ZFP62: variants seen among roughly 807,000 people sequenced by gnomAD.
ZFP62 encodes the protein ZFP62 zinc finger protein.
ZFP62 carries 44 observed loss-of-function variants against 56.4 expected under a neutral mutation model. That is an observed-to-expected ratio of 0.78 (90% CI 0.61 to 1.00). ZFP62 has a LOEUF of 1.00. Among genes scored for constraint, ZFP62 ranks in the 50% least tolerant of loss-of-function variants. ZFP62 has a pLI of 0.00. For missense variants in ZFP62, 1,030 were observed against 1,085.7 expected, an observed-to-expected ratio of 0.95 and a Z score of 0.72; for synonymous variants, 421 against 388.9, an observed-to-expected ratio of 1.08 and a Z score of -0.97.
intron 1 of ZFP62, among the ~76,000 whole-genome samples, chr5:180,855,360 G>T (rs546522096): frequency 8.5e-5 from 13 of 152,120 alleles, no homozygotes; most frequent in Non-Finnish European, 1.9e-4. Context: ...ACTGCCTGTT[G>T]TATCTGGAAA....
the ZFP62 span, among the ~76,000 whole-genome samples, chr5:180,828,386 A>G: frequency 6.6e-6 from 1 of 152,166 alleles, no homozygotes; most frequent in Non-Finnish European, 1.5e-5. Context: ...CCAATCCTCC[A>G]GTCTCTACCC....
chr5:180,848,968 T>C lies in ZFP62; in HGVS notation c.2527A>G (p.Asn843Asp). The change falls in exon 2 of 2, where the codon AAT becomes GAT. Residue 843 changes from asparagine (N) to aspartate (D), a missense_variant. Physicochemically the swap from Asn to Asp is conservative, Grantham distance 23 (BLOSUM62 1). Transcript: ENST00000502412. ...IHTGKKPYRC[N>D]ECGKAFNIRS... ...ATATTAAAAGCCTTACCACACTCAT[T>C]ACATCGGTATGGCTTCTTTCCAGTG... The C allele has an allele frequency of 5.2e-6, 8 of 1,551,876 alleles. No individual in the cohort carries two copies. The highest frequency in any genetic ancestry group is 7.0e-6 in the Non-Finnish European group (8 of 1,146,996).
chr5:180,856,414 T>C (rs1224542140), intron 1 of ZFP62, among the ~76,000 whole-genome samples: 2 of 152,070 alleles, frequency 1.3e-5, no homozygotes, highest in Non-Finnish European at 1.5e-5. Context: ...ATAAAGACAA[T>C]ACAAAGAATG....
chr5:180,855,399 T>G (rs1441932541), intron 1 of ZFP62, among the ~76,000 whole-genome samples: 1 of 152,152 alleles, frequency 6.6e-6, no homozygotes, highest in Non-Finnish European at 1.5e-5. Context: ...ACTCCTCTCA[T>G]GCCTCATTTC....
rs1773532719 is a variant in ZFP62 at position 180,849,059 on chromosome 5, G to A, written c.2436C>T (p.Pro812=). The change falls in exon 2 of 2, where the codon CCC becomes CCT. Residue 812 remains proline (P), a synonymous_variant. Coordinates refer to ENST00000502412, the MANE Select transcript of ZFP62 (RefSeq NM_001172638.2). ...NHKSVHQGKQ[P]YNCECGKSFN... is the part of the protein sequence containing the mutation. ...AGGATTTCCCACACTCACAATTATAGGGCTGCTTCCCCTGGTGGACACTTT... is the reference window on the plus strand; with the variant it reads ...AGGATTTCCCACACTCACAATTATAAGGCTGCTTCCCCTGGTGGACACTTT... 2 of 1,552,124 alleles carry A rather than the reference G, an allele frequency of 1.3e-6. No individual in the cohort carries two copies. Among genetic ancestry groups the A allele is most frequent in the African/African-American group, 1.4e-5 (1 of 73,032 alleles).
intron 1 of ZFP62, among the ~76,000 whole-genome samples, chr5:180,853,487 G>C (rs1429420120): frequency 6.6e-6 from 1 of 152,130 alleles, no homozygotes; most frequent in East Asian, 1.9e-4. Context: ...CGAGTATATA[G>C]CCTTTTTAAT....
At chr5:180,846,284 C>T (rs942148945), downstream of ZFP62, among the ~76,000 whole-genome samples, 29 of 152,196 alleles carry the variant, frequency 1.9e-4, no homozygotes, top group Non-Finnish European at 2.9e-5. Flanking sequence ...CTGAGGCACT[C>T]AGAATCCCCA....
chr5:180,849,671 T>G lies in ZFP62; in HGVS notation c.1824A>C (p.Lys608Asn). 2 of 1,551,850 alleles carry G rather than the reference T, an allele frequency of 1.3e-6. No homozygotes were observed. Among genetic ancestry groups the G allele is most frequent in the Non-Finnish European group, 1.7e-6 (2 of 1,147,044 alleles). ...AGGGCTTCTCCCCAAGATGAACTTT[T>G]TTGTGGTTTGTAAGGGTTCGGTATG... ...FITYRTLTNH[K>N]KVHLGEKPYK... is the part of the protein sequence containing the mutation. Residue 608 changes from lysine (K) to asparagine (N), a missense_variant, in exon 2 of 2, where the codon AAA becomes AAC. Transcript: ENST00000502412.
At chr5:180,851,621 T>C (rs1773717813) in intron 1 of ZFP62, 128 bp from the exon 2 acceptor site, 1 of 1,111,420 alleles carries the variant, frequency 9.0e-7, no homozygotes, top group Admixed American at 2.9e-5. Context: ...ACAGGTACCA[T>C]GTGCCATGTA....
the ZFP62 span, chr5:180,835,650 G>A: frequency 2.0e-5 from 3 of 152,102 alleles, no homozygotes; most frequent in South Asian, 2.1e-4. Context: ...CAAACCATCC[G>A]AAATGGTTAA....
Position 180,848,284 on chromosome 5 carries a change from A to G in ZFP62, c.*508T>C. On this transcript the variant is annotated 3_prime_UTR_variant, in exon 2 of 2. Coordinates refer to ENST00000502412, the MANE Select transcript of ZFP62 (RefSeq NM_001172638.2). ...AACCAATTACATCAAGTTTATACTT[A>G]AAGACCACTAATATTAAATAAATTT... 3 of 985,428 alleles carry G rather than the reference A, an allele frequency of 3.0e-6. No individual in the cohort carries two copies. Among genetic ancestry groups the G allele is most frequent in the Non-Finnish European group, 3.6e-6 (3 of 829,896 alleles). The allele number at this position is 985,428 out of a possible 1,614,324, so 61.0% of individuals were successfully genotyped here. A position where few individuals can be genotyped will look rare whatever the true frequency, so the allele number is the denominator to read the frequency against.
the ZFP62 span, among the ~76,000 whole-genome samples, chr5:180,838,170 G>C: frequency 6.6e-6 from 1 of 152,218 alleles, no homozygotes; most frequent in African/African-American, 2.4e-5. Context: ...ATTCTGTTGT[G>C]GGGGGACAGA....
Position 180,848,817 on chromosome 5 carries a change from C to A in ZFP62, c.2678G>T (p.Gly893Val), listed in dbSNP as rs751079925. The A allele has an allele frequency of 5.2e-6, 8 of 1,538,680 alleles. No homozygotes were observed. In the South Asian group the frequency reaches 8.4e-5, roughly 16 times the overall value. The change falls in exon 2 of 2, where the codon GGG becomes GTG. Residue 893 changes from glycine to valine, a missense_variant. Physicochemically the swap from Gly to Val is moderately radical, Grantham distance 109. Transcript: ENST00000502412. ...RTYEGGNALD[G>V]GRMRMPL ...CTACAGAGGCATCCTCATCCTGCCC[C>A]CATCCAGGGCATTCCCTCCCTCATA...
rs1773552296 is a variant in ZFP62 at position 180,849,341 on chromosome 5, G to A, written c.2154C>T (p.Ser718=). The A allele has an allele frequency of 1.0e-5, 16 of 1,551,640 alleles. No individual in the cohort carries two copies. Among genetic ancestry groups the A allele is most frequent in the Non-Finnish European group, 1.3e-5 (15 of 1,147,022 alleles). Residue 718 remains serine (S), a synonymous_variant, in exon 2 of 2, where the codon AGC becomes AGT. Coordinates refer to ENST00000502412, the MANE Select transcript of ZFP62 (RefSeq NM_001172638.2). ...TCTCCCCAAGATGGACTCTTTTATGGCTTATAAGAGTTCTGCTTGAGAAAA... is the reference window on the plus strand; with the variant it reads ...TCTCCCCAAGATGGACTCTTTTATGACTTATAAGAGTTCTGCTTGAGAAAA... ...KAFFSSRTLI[S]HKRVHLGEKP... is the part of the protein sequence containing the mutation.
Position 180,855,544 on chromosome 5 carries a change from C to T in ZFP62, c.2-4051G>A, listed in dbSNP as rs186255254. Among the ~76,000 whole-genome samples the T allele has an allele frequency of 2.6e-5, 4 of 152,252 alleles. No individual in the cohort carries two copies. In the East Asian group the frequency reaches 7.7e-4, roughly 29 times the overall value. ...GGCTCCACATATTCCCCTGGGAGCC[C>T]TCATGGCTCCCAGCACTCCCACACA... On this transcript the variant is annotated intron_variant, in intron 1 of 1. Coordinates refer to ENST00000502412, the MANE Select transcript of ZFP62 (RefSeq NM_001172638.2).
chr5:180,851,931 G>T, intron 1 of ZFP62: 1 of 808,800 alleles, frequency 1.2e-6, no homozygotes, highest in Non-Finnish European at 1.5e-6. Context: ...TTTTTATTAT[G>T]AAAAGTTAGA....
chr5:180,849,451 A>T lies in ZFP62; in HGVS notation c.2044T>A (p.Tyr682Asn). The change falls in exon 2 of 2, where the codon TAC becomes AAC. Residue 682 changes from tyrosine to asparagine, a missense_variant. Physicochemically the swap from Tyr to Asn is moderately radical, Grantham distance 143. Coordinates refer to ENST00000502412, the MANE Select transcript of ZFP62 (RefSeq NM_001172638.2). ...PYECDVCGKAYISHSSLINHK... is the reference protein window; with the variant it reads ...PYECDVCGKANISHSSLINHK... ...TTAATAAGGCTTGAGTGTGAGATGT[A>T]GGCTTTTCCACACACATCACATTCA... 1 of 1,551,964 alleles carries T rather than the reference A, an allele frequency of 6.4e-7. No homozygotes were observed. Among genetic ancestry groups the T allele is most frequent in the Non-Finnish European group, 8.7e-7 (1 of 1,147,090 alleles).
intron 1 of ZFP62, among the ~76,000 whole-genome samples, chr5:180,861,011 G>C (rs1402686084): frequency 6.6e-6 from 1 of 152,200 alleles, no homozygotes; most frequent in Non-Finnish European, 1.5e-5. Context: ...TGTTCCAGGG[G>C]CGCGCCCTGC....
At chr5:180,852,114 G>T in intron 1 of ZFP62, 1 of 765,442 alleles carries the variant, frequency 1.3e-6, no homozygotes, top group Non-Finnish European at 1.6e-6. Context: ...TATGGTCCTG[G>T]TACATAGACA....
Sources: allele counts gnomAD v4.1 joint callset (sites outside exome capture counted in the v4.1 genomes callset), GRCh38; gene constraint gnomAD v4.1.1; transcripts MANE v1.5; gene names NCBI Gene and HGNC (gene_info 2026-07-23, HGNC 2026-07-21).